The following DENND2B variants were observed in gnomAD, a reference collection of about 807,000 sequenced individuals.
DENND2B encodes the protein DENN domain containing 2B.
In DENND2B, 32 loss-of-function variants were observed where a neutral mutation model predicts 116.0. The observed-to-expected ratio is 0.28, with a 90% CI of 0.21 to 0.37. The LOEUF is 0.37. Ranked by LOEUF, DENND2B falls within the 10% of genes least tolerant of loss-of-function variation. DENND2B has a pLI of 1.00. For missense variants in DENND2B, 1,276 were observed against 1,477.7 expected (o/e 0.86, Z 2.24); for synonymous variants, 588 against 583.9 (o/e 1.01, Z -0.10).
intron 2 of DENND2B, among the ~76,000 whole-genome samples, chr11:8,859,990 A>T (rs2063339786): frequency 6.6e-6 from 1 of 152,202 alleles, no homozygotes; most frequent in Admixed American, 6.5e-5. Flanking sequence ...AAAAAAGCCT[A>T]AACAATGAAG....
intron 9 of DENND2B, among the ~76,000 whole-genome samples, chr11:8,711,666 G>C (rs911638560): frequency 1.3e-5 from 2 of 152,050 alleles, no homozygotes; most frequent in African/African-American, 4.8e-5. Context: ...TTGGGAGTTC[G>C]AGACCAGCCT....
At chr11:8,823,307 G>C (rs2061837636) in intron 4 of DENND2B, among the ~76,000 whole-genome samples, 2 of 152,172 alleles carry the variant, frequency 1.3e-5, no homozygotes, top group African/African-American at 2.4e-5. Flanking sequence ...GGTAACTCAG[G>C]ACAGCTGGGT....
At chr11:8,754,029 G>GTGCGCACACACACA (rs1555169750) in intron 1 of DENND2B, among the ~76,000 whole-genome samples, 1 of 138,734 alleles carries the variant, frequency 7.2e-6, no homozygotes, top group Non-Finnish European at 1.5e-5. Flanking sequence ...CCAAAAGCGC[G>GTGCGCACACACACA]CACACACACA....
At chr11:8,800,445 T>A (rs1280527110) in intron 1 of DENND2B, among the ~76,000 whole-genome samples, 1 of 152,212 alleles carries the variant, frequency 6.6e-6, no homozygotes, top group African/African-American at 2.4e-5. Context: ...AAGGAGCTAC[T>A]GTCGAATCTG....
In DENND2B at chr11:8,838,588, T is replaced by C. The variant is rs867465648; in HGVS notation, c.-115+722A>G. On this transcript the variant is annotated intron_variant, in intron 4 of 6. Coordinates refer to the DENND2B transcript ENST00000524757. ...ATGCCAGAGAGGAAAACTGTGGGAG[T>C]TGGGTAGGCACAGCACAGAGGGAAA... Among the ~76,000 whole-genome samples, 16 of 152,076 alleles carry C rather than the reference T, an allele frequency of 1.1e-4. No homozygotes were observed. In the South Asian group the frequency reaches 2.1e-3, roughly 20 times the overall value.
intron 1 of DENND2B, among the ~76,000 whole-genome samples, chr11:8,804,731 G>C (rs1012087509): frequency 6.6e-6 from 1 of 151,902 alleles, no homozygotes; most frequent in Admixed American, 6.6e-5. Flanking sequence ...TTTTAGTAGA[G>C]ACAGGGTTTT....
At chr11:8,871,389 T>G (rs1408559283), upstream of DENND2B, 1 of 152,208 alleles carries the variant, frequency 6.6e-6, no homozygotes, top group Non-Finnish European at 1.5e-5. Context: ...CAACGGGGTC[T>G]GAAACTTTAT....
intron 1 of DENND2B, among the ~76,000 whole-genome samples, chr11:8,898,328 T>C (rs1268116734): frequency 6.6e-6 from 1 of 151,408 alleles, no homozygotes; most frequent in Non-Finnish European, 1.5e-5. Context: ...GAAATTCAAG[T>C]CCAGCCTGCA....
intron 2 of DENND2B, among the ~76,000 whole-genome samples, chr11:8,734,004 G>A (rs1345986445): frequency 6.6e-6 from 1 of 152,142 alleles, no homozygotes; most frequent in Non-Finnish European, 1.5e-5. Context: ...CACAGGCCAG[G>A]CCCAGTGCAC....
intron 4 of DENND2B, among the ~76,000 whole-genome samples, chr11:8,821,613 C>T (rs190371048): frequency 4.0e-5 from 6 of 151,780 alleles, no homozygotes; most frequent in South Asian, 2.1e-4. Flanking sequence ...ATGGCAATTA[C>T]GAAGACTTTA....
intron 1 of DENND2B, among the ~76,000 whole-genome samples, chr11:8,904,257 T>C (rs896766911): frequency 6.6e-6 from 1 of 152,074 alleles, no homozygotes; most frequent in African/African-American, 2.4e-5. Context: ...CACATGTTAA[T>C]AGAATAAAAA....
intron 18 of DENND2B, chr11:8,695,941 G>C (rs2040281021): frequency 4.0e-6 from 1 of 249,312 alleles, no homozygotes. Flanking sequence ...AGGTTAGACA[G>C]AAAAATTGTG....
intron 1 of DENND2B, among the ~76,000 whole-genome samples, chr11:8,899,665 T>A (rs957520676): frequency 6.6e-6 from 1 of 152,038 alleles, no homozygotes; most frequent in African/African-American, 2.4e-5. Flanking sequence ...ACTGAAAAAA[T>A]TTGTTGTTGC....
intron 14 of DENND2B, among the ~76,000 whole-genome samples, chr11:8,700,585 G>A (rs1278757272): frequency 3.3e-5 from 5 of 152,148 alleles, no homozygotes; most frequent in Non-Finnish European, 7.3e-5. Flanking sequence ...CTTATTGGAG[G>A]ACAAACCAGA....
chr11:8,786,523 T>C (rs1404748896), intron 1 of DENND2B, among the ~76,000 whole-genome samples: 1 of 152,114 alleles, frequency 6.6e-6, no homozygotes, highest in Non-Finnish European at 1.5e-5. Context: ...TGAACAGGAT[T>C]AGGAAGGCCA....
At chr11:8,865,413 G>A (rs189547568) in intron 2 of DENND2B, among the ~76,000 whole-genome samples, 1 of 152,086 alleles carries the variant, frequency 6.6e-6, no homozygotes, top group African/African-American at 2.4e-5. Flanking sequence ...TATCTGATAT[G>A]AACTTCCTGC....
intron 3 of DENND2B, among the ~76,000 whole-genome samples, chr11:8,853,004 T>C (rs1412788175): frequency 2.0e-5 from 3 of 152,122 alleles, no homozygotes. Flanking sequence ...TATTAAGAGG[T>C]GGGGCCTTTG....
chr11:8,840,084 A>ATTT (rs957961025), intron 3 of DENND2B, among the ~76,000 whole-genome samples: 1 of 152,120 alleles, frequency 6.6e-6, no homozygotes, highest in African/African-American at 2.4e-5. Context: ...AAGCAGGGAA[A>ATTT]TCCCCCGCCC....
chr11:8,718,115 C>A (rs1231608415), intron 4 of DENND2B: 4 of 238,506 alleles, frequency 1.7e-5, no homozygotes, highest in South Asian at 3.8e-5. Flanking sequence ...CCCCCCCCAA[C>A]CCCCCACCCC....
Sources: allele counts gnomAD v4.1 joint callset (sites outside exome capture counted in the v4.1 genomes callset), GRCh38; gene constraint gnomAD v4.1.1; transcripts MANE v1.5; gene names NCBI Gene and HGNC (gene_info 2026-07-23, HGNC 2026-07-21).